Variants in ANO4 observed in about 807,000 individuals in gnomAD.
The protein encoded by ANO4 is anoctamin 4.
A neutral mutation model predicts 141.9 loss-of-function variants in ANO4; 69 were observed. That is an observed-to-expected ratio of 0.49 (90% CI 0.40 to 0.59). The LOEUF (loss-of-function observed/expected upper bound fraction) is 0.59. ANO4 is among the 20% of genes least tolerant of loss of function. The pLI is 0.00. For missense variants in ANO4, 894 were observed against 1,162.2 expected (o/e 0.77, Z 3.36); for synonymous variants, 350 against 394.3 (o/e 0.89, Z 1.33).
intron 3 of ANO4, among the ~76,000 whole-genome samples, chr12:100,756,691 T>C (rs2135513686): frequency 6.6e-6 from 1 of 152,260 alleles, no homozygotes; most frequent in African/African-American, 2.4e-5. Flanking sequence ...CTTTGGTGGA[T>C]ATTTCAACTC....
At chr12:101,074,793 A>C (rs558989511) in intron 14 of ANO4, among the ~76,000 whole-genome samples, 1 of 152,204 alleles carries the variant, frequency 6.6e-6, no homozygotes, top group Non-Finnish European at 1.5e-5. Flanking sequence ...TTCATATCTT[A>C]ATTTCTTATA....
chr12:100,751,031 G>A lies in ANO4; in HGVS notation c.358+10926G>A, dbSNP rs535452339. Among the ~76,000 whole-genome samples the A allele has an allele frequency of 5.9e-5, 9 of 152,238 alleles. No homozygotes were observed. In the East Asian group the frequency reaches 1.7e-3, roughly 29 times the overall value. On this transcript the variant is annotated intron_variant, in intron 3 of 29. Coordinates refer to the ANO4 transcript ENST00000644049. Reference sequence around the variant, plus strand: ...AAACATGGCCTCAGCCCTCACAGAGGGATACCTGGAGCTGGGACAGTCCTT... The same window carrying A: ...AAACATGGCCTCAGCCCTCACAGAGAGATACCTGGAGCTGGGACAGTCCTT...
At chr12:100,746,072 C>T (rs772405597) in intron 3 of ANO4, among the ~76,000 whole-genome samples, 1 of 152,074 alleles carries the variant, frequency 6.6e-6, no homozygotes, top group Non-Finnish European at 1.5e-5. Flanking sequence ...AGAGGGAGGT[C>T]AGCATAAGAA....
chr12:100,929,273 A>G (rs2041996254), intron 3 of ANO4, among the ~76,000 whole-genome samples: 1 of 151,664 alleles, frequency 6.6e-6, no homozygotes, highest in Admixed American at 6.6e-5. Flanking sequence ...CCGCTCTACT[A>G]CTCTTCCCAG....
At chr12:101,125,167 TGAA>T (rs1438326848) in intron 26 of ANO4, among the ~76,000 whole-genome samples, 1 of 152,096 alleles carries the variant, frequency 6.6e-6, no homozygotes. Context: ...CTGTAGTTCT[TGAA>T]GAAGTCATTC....
intron 1 of ANO4, among the ~76,000 whole-genome samples, chr12:100,892,185 G>A (rs915073160): frequency 2.0e-5 from 3 of 152,164 alleles, no homozygotes; most frequent in African/African-American, 7.2e-5. Context: ...TATTATGGCT[G>A]TGTTTTGGCT....
intron 1 of ANO4, among the ~76,000 whole-genome samples, chr12:100,858,438 G>A (rs1287528394): frequency 6.6e-6 from 1 of 152,024 alleles, no homozygotes; most frequent in Non-Finnish European, 1.5e-5. Flanking sequence ...TAAAACTGTA[G>A]GCCTCATACC....
intron 3 of ANO4, among the ~76,000 whole-genome samples, chr12:100,927,272 G>A (rs756243402): frequency 3.3e-5 from 5 of 152,052 alleles, no homozygotes; most frequent in East Asian, 1.9e-4. Flanking sequence ...CCACGAAGCC[G>A]GTGGAATGGG....
In ANO4 at chr12:101,079,335, C is replaced by T. The variant is rs763747387; in HGVS notation, c.1395+60C>T. ...CAAATCACCCAGAACCACACGACCC[C>T]CCCCCAAAATTGTCACTCTCTGTTC... is the stretch of plus-strand genomic sequence containing the variant. On this transcript the variant is annotated intron_variant, in intron 15 of 27. Coordinates refer to ENST00000392977, the MANE Select transcript of ANO4 (RefSeq NM_001286615.2). 555 of 1,401,160 alleles carry T rather than the reference C, an allele frequency of 4.0e-4. 1 individual carries two copies. The highest frequency in any genetic ancestry group is 3.7e-3 in the Middle Eastern group (21 of 5,634). The allele number at this position is 1,401,160 out of a possible 1,614,324, so 86.8% of individuals were successfully genotyped here.
chr12:100,979,888 C>T (rs1399922611), intron 7 of ANO4, among the ~76,000 whole-genome samples: 1 of 142,456 alleles, frequency 7.0e-6, no homozygotes, highest in Admixed American at 7.1e-5. Flanking sequence ...CCACCACGCC[C>T]AGCTGACTTT....
intron 6 of ANO4, among the ~76,000 whole-genome samples, chr12:100,973,964 ATAAACTTAC>A (rs2044043047): frequency 6.6e-6 from 1 of 152,228 alleles, no homozygotes. Flanking sequence ...TTGGTGATAT[ATAAACTTAC>A]CATTTACAGA....
intron 1 of ANO4, among the ~76,000 whole-genome samples, chr12:100,836,846 G>A (rs1183028922): frequency 1.3e-5 from 2 of 152,136 alleles, no homozygotes; most frequent in Non-Finnish European, 2.9e-5. Context: ...GAGGAGCCAG[G>A]AGAGATATGT....
chr12:101,035,051 G>T (rs1269338300), intron 9 of ANO4, among the ~76,000 whole-genome samples: 1 of 150,956 alleles, frequency 6.6e-6, no homozygotes, highest in East Asian at 1.9e-4. Flanking sequence ...CTAGGTATTT[G>T]CTAAGAAAGT....
intron 15 of ANO4, among the ~76,000 whole-genome samples, chr12:101,080,900 T>TATAC (rs1194122665): frequency 9.9e-5 from 13 of 131,038 alleles, no homozygotes; most frequent in African/African-American, 2.5e-4. Flanking sequence ...TATATATATA[T>TATAC]ACATACACAT....
chr12:100,847,406 CTTTT>C (rs2037622582), intron 1 of ANO4, among the ~76,000 whole-genome samples: 1 of 151,420 alleles, frequency 6.6e-6, no homozygotes, highest in African/African-American at 2.4e-5. Flanking sequence ...TTATTTCTTT[CTTTT>C]GTTTTCATGT....
At chr12:100,773,461 C>T (rs1177280706) in intron 3 of ANO4, among the ~76,000 whole-genome samples, 1 of 152,144 alleles carries the variant, frequency 6.6e-6, no homozygotes, top group East Asian at 1.9e-4. Flanking sequence ...TTGCATTATC[C>T]TTTCCCCCAC....
At chr12:100,761,785 A>G (rs1202693314) in intron 3 of ANO4, among the ~76,000 whole-genome samples, 1 of 152,142 alleles carries the variant, frequency 6.6e-6, no homozygotes, top group Non-Finnish European at 1.5e-5. Context: ...AAGACTTCCT[A>G]AGGAAAGCAA....
At chr12:100,871,499 C>G (rs1014805623) in intron 1 of ANO4, among the ~76,000 whole-genome samples, 10 of 152,218 alleles carry the variant, frequency 6.6e-5, no homozygotes, top group African/African-American at 2.4e-4. Flanking sequence ...TGTTATAGCA[C>G]TGAGCACCTG....
chr12:100,958,237 C>A (rs1034302273), intron 5 of ANO4, among the ~76,000 whole-genome samples: 11 of 152,182 alleles, frequency 7.2e-5, no homozygotes, highest in African/African-American at 2.7e-4. Context: ...ACATCATGAC[C>A]GCAGTCTCAC....
Sources: allele counts gnomAD v4.1 joint callset (sites outside exome capture counted in the v4.1 genomes callset), GRCh38; gene constraint gnomAD v4.1.1; transcripts MANE v1.5; gene names NCBI Gene and HGNC (gene_info 2026-07-23, HGNC 2026-07-21).